The following OTUD7A variants were observed in gnomAD, a reference collection of about 807,000 sequenced individuals.
OTUD7A encodes the protein OTU domain-containing protein 7A.
OTUD7A carries 12 observed loss-of-function variants against 65.7 expected under a neutral mutation model. That is an observed-to-expected ratio of 0.18 (90% CI 0.12 to 0.30). OTUD7A has a LOEUF of 0.30. Among genes scored for constraint, OTUD7A ranks in the 10% least tolerant of loss-of-function variants. OTUD7A has a pLI of 1.00. For missense variants in OTUD7A, 1,148 were observed against 1,304.8 expected (o/e 0.88, Z 1.85); for synonymous variants, 641 against 586.3 (o/e 1.09, Z -1.35).
intron 1 of OTUD7A, among the ~76,000 whole-genome samples, chr15:31,678,648 C>T (rs1251255228): frequency 3.3e-5 from 5 of 152,232 alleles, no homozygotes. Context: ...TGGCCTGCAG[C>T]TGCACAGAAG....
At chr15:31,849,909 TG>T (rs1453285767) in intron 1 of OTUD7A, among the ~76,000 whole-genome samples, 1 of 152,208 alleles carries the variant, frequency 6.6e-6, no homozygotes, top group African/African-American at 2.4e-5. Context: ...CAACAGGTCC[TG>T]GAAAGGATGT....
chr15:31,865,031 C>T (rs951161151), intron 1 of OTUD7A, among the ~76,000 whole-genome samples: 7 of 99,402 alleles, frequency 7.0e-5, no homozygotes, highest in African/African-American at 2.2e-4. Flanking sequence ...TGTGGCCCCC[C>T]CCTGGGGTTG....
intron 10 of OTUD7A, among the ~76,000 whole-genome samples, chr15:31,489,579 G>A (rs139382384): frequency 3.7e-4 from 57 of 152,306 alleles, no homozygotes; most frequent in Admixed American, 1.8e-3. Flanking sequence ...GCTGGGTGAT[G>A]TGCTCAGGCA....
chr15:31,539,668 AT>A (rs1887927926), intron 5 of OTUD7A, among the ~76,000 whole-genome samples: 1 of 152,202 alleles, frequency 6.6e-6, no homozygotes. Flanking sequence ...GTTAGTGCTA[AT>A]TTTCTAATGC....
chr15:31,812,133 C>A (rs1413796760), intron 1 of OTUD7A, among the ~76,000 whole-genome samples: 1 of 152,182 alleles, frequency 6.6e-6, no homozygotes, highest in Admixed American at 6.5e-5. Flanking sequence ...TGGACCCCGG[C>A]TTCTGACAGT....
intron 1 of OTUD7A, among the ~76,000 whole-genome samples, chr15:31,794,452 A>G (rs571998705): frequency 6.5e-4 from 98 of 149,958 alleles, no homozygotes; most frequent in Middle Eastern, 3.4e-3. Flanking sequence ...ATTCAAATAT[A>G]AATTTGTCAC....
intron 1 of OTUD7A, among the ~76,000 whole-genome samples, chr15:31,837,696 C>T (rs968312582): frequency 6.6e-6 from 1 of 152,114 alleles, no homozygotes; most frequent in Non-Finnish European, 1.5e-5. Context: ...GATTAGATGA[C>T]TCAACATAAT....
At chr15:31,761,390 A>G (rs1894959282) in intron 1 of OTUD7A, among the ~76,000 whole-genome samples, 1 of 152,216 alleles carries the variant, frequency 6.6e-6, no homozygotes, top group African/African-American at 2.4e-5. Flanking sequence ...TCAAAAGAAT[A>G]CATAAAACCA....
At chr15:31,656,172 C>T (rs1417797016) in intron 2 of OTUD7A, among the ~76,000 whole-genome samples, 1 of 152,208 alleles carries the variant, frequency 6.6e-6, no homozygotes, top group Admixed American at 6.5e-5. Flanking sequence ...TGTACAGCAG[C>T]TTGACCCAGG....
intron 1 of OTUD7A, among the ~76,000 whole-genome samples, chr15:31,798,704 C>G (rs560458399): frequency 6.6e-6 from 1 of 152,202 alleles, no homozygotes; most frequent in Non-Finnish European, 1.5e-5. Context: ...CCCAGCAGGA[C>G]AGCTGACCCT....
chr15:31,515,635 T>G (rs1308960801), intron 8 of OTUD7A, among the ~76,000 whole-genome samples: 1 of 80,146 alleles, frequency 1.2e-5, no homozygotes. Context: ...TCTCTCTTCC[T>G]TCCCTCCCTC....
At chr15:31,840,694 A>G (rs1406177394) in intron 1 of OTUD7A, among the ~76,000 whole-genome samples, 1 of 152,222 alleles carries the variant, frequency 6.6e-6, no homozygotes, top group African/African-American at 2.4e-5. Flanking sequence ...AAAATACCAC[A>G]CAAGAACAGG....
chr15:31,802,162 G>C (rs911412056), intron 1 of OTUD7A, among the ~76,000 whole-genome samples: 3 of 144,338 alleles, frequency 2.1e-5, no homozygotes, highest in African/African-American at 5.2e-5. Flanking sequence ...TATGTAAAGG[G>C]GAGTTTATTA....
At chr15:31,812,223 C>T (rs1429488279) in intron 1 of OTUD7A, among the ~76,000 whole-genome samples, 1 of 146,524 alleles carries the variant, frequency 6.8e-6, no homozygotes, top group East Asian at 2.0e-4. Context: ...AACCAGAATG[C>T]CCCAGCTGAC....
intron 3 of OTUD7A, among the ~76,000 whole-genome samples, chr15:31,571,030 T>C (rs1889038804): frequency 6.6e-6 from 1 of 152,194 alleles, no homozygotes; most frequent in Non-Finnish European, 1.5e-5. Context: ...GAAATGTAGA[T>C]TTGGAATGTT....
chr15:31,615,292 C>G (rs1485746937), intron 3 of OTUD7A, among the ~76,000 whole-genome samples: 1 of 152,120 alleles, frequency 6.6e-6, no homozygotes, highest in Non-Finnish European at 1.5e-5. Flanking sequence ...AAAAATATAT[C>G]ATGCAAACAC....
At chr15:31,797,206 C>A (rs891636688) in intron 1 of OTUD7A, among the ~76,000 whole-genome samples, 1 of 152,194 alleles carries the variant, frequency 6.6e-6, no homozygotes, top group Non-Finnish European at 1.5e-5. Context: ...GCCTCTGAGA[C>A]GTGATTCTAA....
At chr15:31,613,604 C>T (rs568481598) in intron 3 of OTUD7A, among the ~76,000 whole-genome samples, 44 of 152,244 alleles carry the variant, frequency 2.9e-4, no homozygotes, top group African/African-American at 7.9e-4. Flanking sequence ...TGTGATACCA[C>T]CTTACTCCTG....
intron 1 of OTUD7A, among the ~76,000 whole-genome samples, chr15:31,844,063 C>T (rs763796035): frequency 6.6e-6 from 1 of 152,198 alleles, no homozygotes; most frequent in Non-Finnish European, 1.5e-5. Context: ...CTCACTTCGA[C>T]GGAATATTTG....
Sources: gnomAD v4.1 joint callset for allele counts (sites outside exome capture counted in the v4.1 genomes callset) on GRCh38, gnomAD v4.1.1 for gene constraint, MANE v1.5 for transcripts, NCBI Gene and HGNC (gene_info 2026-07-23, HGNC 2026-07-21) for gene names.